The following LCLAT1 variants were observed in gnomAD, a reference collection of about 807,000 sequenced individuals.
The protein encoded by LCLAT1 is lysocardiolipin acyltransferase 1.
Under a neutral mutation model 30.7 loss-of-function variants are expected in LCLAT1, and 11 were observed. The ratio of observed to expected loss-of-function variants is 0.36; its 90% CI spans 0.23 to 0.59. The LOEUF (loss-of-function observed/expected upper bound fraction) is 0.59, where lower values mean the gene tolerates loss of function less well. LCLAT1 is among the 20% of genes least tolerant of loss of function. LCLAT1 has a pLI of 0.77. For missense variants in LCLAT1, 402 were observed against 458.6 expected (o/e 0.88, Z 1.13); for synonymous variants, 155 against 151.3 (o/e 1.02, Z -0.18).
At chr2:30,570,996 C>G (rs7592355) in intron 5 of LCLAT1, among the ~76,000 whole-genome samples, 129,342 of 152,160 alleles carry the variant, frequency 0.85, 55,130 homozygotes, top group East Asian at 0.94. Flanking sequence ...CTAAGACTCA[C>G]AAAGGGGCCC....
At chr2:30,494,556 A>G (rs995415027) in intron 1 of LCLAT1, among the ~76,000 whole-genome samples, 1 of 49,250 alleles carries the variant, frequency 2.0e-5, no homozygotes, top group Admixed American at 3.1e-4. Context: ...ACACACACGC[A>G]TACGTGCATA....
chr2:30,476,717 T>G (rs554447397), intron 1 of LCLAT1: 1 of 311,070 alleles, frequency 3.2e-6, no homozygotes, highest in South Asian at 2.8e-5. Flanking sequence ...GTAATGTGCT[T>G]GAATCCTGAA....
At chr2:30,638,723 A>G (rs978307539) in intron 5 of LCLAT1, among the ~76,000 whole-genome samples, 6 of 143,598 alleles carry the variant, frequency 4.2e-5, no homozygotes, top group African/African-American at 1.5e-4. Flanking sequence ...CCCACCATCT[A>G]CTTGGTACCC....
chr2:30,600,540 A>G (rs1427738341), intron 5 of LCLAT1, among the ~76,000 whole-genome samples: 1 of 152,214 alleles, frequency 6.6e-6, no homozygotes, highest in African/African-American at 2.4e-5. Flanking sequence ...AGACACAGAG[A>G]TATGAAAAAC....
intron 2 of LCLAT1, among the ~76,000 whole-genome samples, chr2:30,527,116 T>TA (rs1173745021): frequency 6.6e-6 from 1 of 152,208 alleles, no homozygotes; most frequent in Non-Finnish European, 1.5e-5. Flanking sequence ...CACAAGTAGA[T>TA]ACTTCTAAAA....
At chr2:30,618,106 T>C (rs968712318) in intron 5 of LCLAT1, among the ~76,000 whole-genome samples, 4 of 152,158 alleles carry the variant, frequency 2.6e-5, no homozygotes, top group African/African-American at 9.6e-5. Context: ...CTAGACTCTG[T>C]TCTGTTTCAT....
chr2:30,611,600 G>A (rs1256253564), intron 5 of LCLAT1, among the ~76,000 whole-genome samples: 1 of 152,156 alleles, frequency 6.6e-6, no homozygotes, highest in Admixed American at 6.6e-5. Flanking sequence ...GTAGGACCCT[G>A]AGTCAGTAGG....
rs556482605 is a variant in LCLAT1, at chr2:30,452,028, A to G, written c.-5+4645A>G. On this transcript the variant is annotated intron_variant, in intron 1 of 5. Transcript: ENST00000379509. ...TTAAATGAAGTCACAAAGAAGTACA[A>G]TACTTCCCTGGTGACAGAAGTCAGA... Among the ~76,000 whole-genome samples the G allele has an allele frequency of 2.6e-5, 4 of 152,372 alleles. No individual in the cohort carries two copies. In the South Asian group the frequency reaches 8.3e-4, roughly 32 times the overall value.
intron 1 of LCLAT1, among the ~76,000 whole-genome samples, chr2:30,448,198 C>G (rs1681361866): frequency 6.6e-6 from 1 of 151,992 alleles, no homozygotes; most frequent in South Asian, 2.1e-4. Context: ...CACTTTAAGT[C>G]CAAGAAAAGT....
chr2:30,529,454 C>A (rs1208093093), intron 2 of LCLAT1, among the ~76,000 whole-genome samples: 1 of 152,132 alleles, frequency 6.6e-6, no homozygotes, highest in Admixed American at 6.6e-5. Flanking sequence ...GGAGTGCATG[C>A]CTTTGTTCCT....
At chr2:30,457,085 G>A (rs971443707) in intron 1 of LCLAT1, among the ~76,000 whole-genome samples, 20 of 152,090 alleles carry the variant, frequency 1.3e-4, no homozygotes, top group African/African-American at 4.8e-4. Context: ...ACTCTCTTTA[G>A]TTTTAGATTT....
At chr2:30,485,109 G>C (rs1431323753) in intron 1 of LCLAT1, among the ~76,000 whole-genome samples, 1 of 152,086 alleles carries the variant, frequency 6.6e-6, no homozygotes, top group African/African-American at 2.4e-5. Context: ...TTTCACCAGT[G>C]AATAATTGCA....
intron 5 of LCLAT1, among the ~76,000 whole-genome samples, chr2:30,618,818 A>G (rs943083934): frequency 1.3e-5 from 2 of 152,212 alleles, no homozygotes; most frequent in Non-Finnish European, 2.9e-5. Flanking sequence ...TACCAGTTCT[A>G]GTAGTTTTGT....
chr2:30,626,464 AG>A (rs1668514312), intron 5 of LCLAT1, among the ~76,000 whole-genome samples: 1 of 152,160 alleles, frequency 6.6e-6, no homozygotes, highest in African/African-American at 2.4e-5. Context: ...TCACGTGTGT[AG>A]ATTCATGTTT....
intron 5 of LCLAT1, among the ~76,000 whole-genome samples, chr2:30,568,430 T>C (rs1665605734): frequency 6.6e-6 from 1 of 151,694 alleles, no homozygotes; most frequent in Admixed American, 6.6e-5. Context: ...CATATATATA[T>C]ATGTTTGTAT....
chr2:30,531,344 A>C (rs1343848412), intron 2 of LCLAT1, among the ~76,000 whole-genome samples: 2 of 152,132 alleles, frequency 1.3e-5, no homozygotes, highest in African/African-American at 2.4e-5. Flanking sequence ...TTTTACCAGG[A>C]GGTCTTCCAT....
intron 1 of LCLAT1, among the ~76,000 whole-genome samples, chr2:30,506,813 T>C (rs1684685469): frequency 6.6e-6 from 1 of 152,130 alleles, no homozygotes; most frequent in African/African-American, 2.4e-5. Flanking sequence ...TTCATCAGAA[T>C]GAGGCTGTGC....
At chr2:30,450,958 A>T (rs527940522) in intron 1 of LCLAT1, among the ~76,000 whole-genome samples, 61 of 151,840 alleles carry the variant, frequency 4.0e-4, no homozygotes, top group Non-Finnish European at 7.5e-4. Context: ...TGCAATTTAT[A>T]TATCTGACCA....
chr2:30,551,548 A>G (rs1057165516), intron 3 of LCLAT1, among the ~76,000 whole-genome samples: 1 of 152,192 alleles, frequency 6.6e-6, no homozygotes, highest in African/African-American at 2.4e-5. Flanking sequence ...TGCAGCTTAT[A>G]CTACAAATAT....
Sources: allele counts gnomAD v4.1 joint callset (sites outside exome capture counted in the v4.1 genomes callset), GRCh38; gene constraint gnomAD v4.1.1; transcripts MANE v1.5; gene names NCBI Gene and HGNC (gene_info 2026-07-23, HGNC 2026-07-21).